The following DPF3 variants were observed in gnomAD, a reference collection of about 807,000 sequenced individuals.
DPF3 encodes the protein zinc finger protein DPF3.
DPF3 carries 18 observed loss-of-function variants against 56.8 expected under a neutral mutation model. The observed-to-expected ratio is 0.32, with a 90% CI of 0.22 to 0.47. DPF3 has a LOEUF of 0.47. DPF3 is among the 20% of genes least tolerant of loss of function. The pLI, the probability that DPF3 is intolerant of heterozygous loss-of-function variation, is 1.00. For synonymous variants in DPF3, 188 were observed against 180.2 expected, an observed-to-expected ratio of 1.04 and a Z score of -0.35; for missense variants, 403 against 488.8, an observed-to-expected ratio of 0.82 and a Z score of 1.65.
intron 5 of DPF3, among the ~76,000 whole-genome samples, chr14:72,715,768 C>T (rs1424539236): frequency 1.3e-5 from 2 of 152,014 alleles, no homozygotes; most frequent in African/African-American, 2.4e-5. Flanking sequence ...CAAGCTACCA[C>T]CTCTGCCACC....
chr14:72,661,056 A>G (rs546817596), intron 8 of DPF3: 44 of 985,374 alleles, frequency 4.5e-5, no homozygotes, highest in Non-Finnish European at 4.9e-5. Context: ...GGAGCATTGG[A>G]AACAGACTTT....
intron 6 of DPF3, among the ~76,000 whole-genome samples, chr14:72,697,275 C>A (rs752980573): frequency 1.3e-5 from 2 of 152,148 alleles, no homozygotes; most frequent in East Asian, 3.9e-4. Context: ...AATGAACAAG[C>A]CCCAGACCCC....
At chr14:72,663,084 A>T (rs910740991) in intron 8 of DPF3, among the ~76,000 whole-genome samples, 1 of 143,480 alleles carries the variant, frequency 7.0e-6, no homozygotes, top group Non-Finnish European at 1.5e-5. Context: ...AGGGCAGGTC[A>T]GTTGCTACTG....
chr14:72,687,423 C>T (rs1887460510), intron 7 of DPF3, among the ~76,000 whole-genome samples: 1 of 152,114 alleles, frequency 6.6e-6, no homozygotes, highest in African/African-American at 2.4e-5. Flanking sequence ...AGACTCCAAA[C>T]AGATGTTTTT....
chr14:72,800,109 T>G (rs1892809820), intron 1 of DPF3, among the ~76,000 whole-genome samples: 1 of 152,184 alleles, frequency 6.6e-6, no homozygotes, highest in Non-Finnish European at 1.5e-5. Flanking sequence ...CTAATAAGGC[T>G]GAGGAAGAAC....
intron 8 of DPF3, among the ~76,000 whole-genome samples, chr14:72,635,088 T>G (rs1283806282): frequency 6.6e-6 from 1 of 152,212 alleles, no homozygotes; most frequent in African/African-American, 2.4e-5. Context: ...CTTCCAGAAC[T>G]GACCTCAATC....
intron 1 of DPF3, chr14:72,892,138 G>A (rs1886777209): frequency 5.2e-6 from 8 of 1,531,686 alleles, no homozygotes; most frequent in Non-Finnish European, 7.0e-6. Flanking sequence ...TTCCCAGGAG[G>A]AAACAAACCT....
chr14:72,884,781 G>A (rs965965878), intron 1 of DPF3, among the ~76,000 whole-genome samples: 10 of 150,858 alleles, frequency 6.6e-5, no homozygotes, highest in African/African-American at 2.4e-4. Context: ...TGACCCCCAC[G>A]AGGAGTCCCT....
At chr14:72,849,965 C>T (rs1337728423) in intron 1 of DPF3, among the ~76,000 whole-genome samples, 1 of 152,022 alleles carries the variant, frequency 6.6e-6, no homozygotes, top group East Asian at 1.9e-4. Flanking sequence ...TTAAAAAATA[C>T]AAAATTAGCC....
At chr14:72,883,926 CA>C (rs5809597) in intron 1 of DPF3, among the ~76,000 whole-genome samples, 35 of 121,656 alleles carry the variant, frequency 2.9e-4, no homozygotes, top group Middle Eastern at 4.2e-3. Context: ...GACTCTGTCT[CA>C]AAAAAAAAAA....
chr14:72,824,900 T>G (rs1485110417), intron 1 of DPF3, among the ~76,000 whole-genome samples: 2 of 151,872 alleles, frequency 1.3e-5, no homozygotes. Flanking sequence ...TTTTTTTTTA[T>G]TTTTTGAGAT....
At chr14:72,662,438 T>G (rs564712698) in intron 8 of DPF3, 1 of 984,052 alleles carries the variant, frequency 1.0e-6, no homozygotes, top group African/African-American at 1.7e-5. Context: ...TCCTTTTAAA[T>G]ATTGAAATAA....
chr14:72,767,060 C>G (rs1891317190), intron 2 of DPF3, among the ~76,000 whole-genome samples: 1 of 152,200 alleles, frequency 6.6e-6, no homozygotes, highest in African/African-American at 2.4e-5. Context: ...CACTCAGCAA[C>G]AACAAGGTGT....
chr14:72,642,179 G>A (rs996607143), intron 8 of DPF3, among the ~76,000 whole-genome samples: 6 of 152,216 alleles, frequency 3.9e-5, no homozygotes, highest in African/African-American at 1.4e-4. Flanking sequence ...GGGACACCCT[G>A]TGACACACCA....
At chr14:72,803,368 G>T (rs990320140) in intron 1 of DPF3, among the ~76,000 whole-genome samples, 5 of 152,190 alleles carry the variant, frequency 3.3e-5, no homozygotes, top group African/African-American at 1.2e-4. Flanking sequence ...ATGTCTAAGC[G>T]TGACTATCAG....
chr14:72,780,552 A>G (rs1033728926), intron 1 of DPF3, among the ~76,000 whole-genome samples: 1 of 152,186 alleles, frequency 6.6e-6, no homozygotes, highest in African/African-American at 2.4e-5. Context: ...GAACGTTCTA[A>G]CTTTCTCCAT....
intron 2 of DPF3, among the ~76,000 whole-genome samples, chr14:72,756,940 G>GA (rs1385732383): frequency 1.3e-4 from 8 of 60,434 alleles, no homozygotes; most frequent in Non-Finnish European, 2.5e-4. Flanking sequence ...GAAGAGAAGA[G>GA]AAGAGAAAGG....
chr14:72,835,836 A>G (rs887702068), intron 1 of DPF3, among the ~76,000 whole-genome samples: 2 of 152,340 alleles, frequency 1.3e-5, no homozygotes, highest in African/African-American at 4.8e-5. Context: ...TCACCTGGGC[A>G]TAGTTACCCC....
chr14:72,791,658 G>T (rs935057858), intron 1 of DPF3, among the ~76,000 whole-genome samples: 6 of 152,242 alleles, frequency 3.9e-5, no homozygotes, highest in African/African-American at 1.4e-4. Flanking sequence ...AATATCATTT[G>T]TTGAGCAACT....
Sources: gnomAD v4.1 joint callset for allele counts (sites outside exome capture counted in the v4.1 genomes callset) on GRCh38, gnomAD v4.1.1 for gene constraint, MANE v1.5 for transcripts, NCBI Gene and HGNC (gene_info 2026-07-23, HGNC 2026-07-21) for gene names.